CHCHD6: variants seen among roughly 807,000 people sequenced by gnomAD.
The protein encoded by CHCHD6 is MICOS complex subunit MIC25.
A neutral mutation model predicts 32.3 loss-of-function variants in CHCHD6; 28 were observed. That is an observed-to-expected ratio of 0.87 (90% CI 0.64 to 1.19). The LOEUF is 1.19. Among genes scored for constraint, CHCHD6 ranks in the 50% most tolerant of loss-of-function variants. The pLI is 0.00. For missense variants in CHCHD6, 333 were observed against 307.0 expected, an observed-to-expected ratio of 1.08 and a Z score of -0.63; for synonymous variants, 122 against 117.5, an observed-to-expected ratio of 1.04 and a Z score of -0.25.
intron 1 of CHCHD6, among the ~76,000 whole-genome samples, chr3:126,705,240 C>T (rs1320841290): frequency 3.3e-5 from 5 of 152,224 alleles, no homozygotes; most frequent in African/African-American, 1.2e-4. Context: ...ATTTTCATAG[C>T]ACTCATCACA....
chr3:126,945,681 T>TC (rs1334977297), intron 6 of CHCHD6, among the ~76,000 whole-genome samples: 130 of 62,440 alleles, frequency 2.1e-3, no homozygotes, highest in East Asian at 0.015. Context: ...CTTGGGAGAT[T>TC]CGGGGGAAGA....
At chr3:126,751,392 C>T (rs917686990) in intron 4 of CHCHD6, among the ~76,000 whole-genome samples, 7 of 150,794 alleles carry the variant, frequency 4.6e-5, no homozygotes, top group African/African-American at 1.7e-4. Flanking sequence ...GTCCCAGCTA[C>T]TGGGGAAGCT....
chr3:126,862,385 CCTCCTCCTCT>C (rs1941949191), intron 5 of CHCHD6, among the ~76,000 whole-genome samples: 1 of 140,802 alleles, frequency 7.1e-6, no homozygotes, highest in African/African-American at 2.7e-5. Context: ...ATCACCACCT[CCTCCTCCTCT>C]ACCATCACCA....
At chr3:126,884,803 A>C (rs1427677733) in intron 5 of CHCHD6, among the ~76,000 whole-genome samples, 2 of 152,236 alleles carry the variant, frequency 1.3e-5, no homozygotes, top group Non-Finnish European at 2.9e-5. Context: ...ACCAAATTAT[A>C]GTGTCCTACT....
At chr3:126,777,555 C>T (rs1937708937) in intron 4 of CHCHD6, among the ~76,000 whole-genome samples, 1 of 152,190 alleles carries the variant, frequency 6.6e-6, no homozygotes, top group African/African-American at 2.4e-5. Flanking sequence ...ATGAGGCAGA[C>T]TGCAGGAGGC....
intron 5 of CHCHD6, among the ~76,000 whole-genome samples, chr3:126,868,787 G>C (rs1018283690): frequency 1.3e-5 from 2 of 152,126 alleles, no homozygotes; most frequent in African/African-American, 4.8e-5. Flanking sequence ...TTTCCTACTA[G>C]GTAAAAACCA....
intron 1 of CHCHD6, among the ~76,000 whole-genome samples, chr3:126,720,788 C>T (rs1021468845): frequency 6.6e-6 from 1 of 152,160 alleles, no homozygotes; most frequent in Non-Finnish European, 1.5e-5. Context: ...CGCACCCAGC[C>T]TGGTGTCCTG....
intron 4 of CHCHD6, among the ~76,000 whole-genome samples, chr3:126,828,192 C>T (rs914893428): frequency 3.3e-4 from 50 of 152,190 alleles, no homozygotes; most frequent in Admixed American, 3.0e-3. Context: ...CATCTTACCT[C>T]GTGGTTTCAG....
chr3:126,930,136 C>A (rs746262385), intron 6 of CHCHD6, among the ~76,000 whole-genome samples: 1 of 152,190 alleles, frequency 6.6e-6, no homozygotes, highest in African/African-American at 2.4e-5. Flanking sequence ...TAATCAGGAT[C>A]CCTGTTAGAA....
chr3:126,868,298 A>T (rs558751047), intron 5 of CHCHD6, among the ~76,000 whole-genome samples: 4 of 152,348 alleles, frequency 2.6e-5, no homozygotes, highest in Non-Finnish European at 4.4e-5. Flanking sequence ...ACGTAGATGG[A>T]GTTCCTCTCT....
chr3:126,739,641 A>AT (rs1225892491), intron 4 of CHCHD6, among the ~76,000 whole-genome samples: 1 of 151,808 alleles, frequency 6.6e-6, no homozygotes, highest in African/African-American at 2.4e-5. Context: ...TAAAATGAGG[A>AT]TTTTTCTGGA....
chr3:126,750,032 C>T (rs1936664345), intron 4 of CHCHD6, among the ~76,000 whole-genome samples: 1 of 152,226 alleles, frequency 6.6e-6, no homozygotes, highest in East Asian at 1.9e-4. Flanking sequence ...TTGGCCACAC[C>T]TTTCCTGGTG....
chr3:126,863,212 ACCACCATCACCACCTCCCCCTCCT>A (rs1942025186), intron 5 of CHCHD6, among the ~76,000 whole-genome samples: 1 of 72,440 alleles, frequency 1.4e-5, no homozygotes, highest in Non-Finnish European at 3.0e-5. Context: ...CTTCCCCTCT[ACCACCATCACCACCTCCCCCTCCT>A]CCACCATCAC....
At chr3:126,846,119 G>A (rs1303500974) in intron 4 of CHCHD6, among the ~76,000 whole-genome samples, 2 of 152,158 alleles carry the variant, frequency 1.3e-5, no homozygotes, top group African/African-American at 4.8e-5. Flanking sequence ...AGAAGGGGCA[G>A]AAAAAGGTTG....
intron 5 of CHCHD6, among the ~76,000 whole-genome samples, chr3:126,869,208 A>G (rs1449045902): frequency 1.3e-5 from 2 of 151,764 alleles, no homozygotes; most frequent in African/African-American, 4.8e-5. Context: ...TTATTATTTC[A>G]TAGGTTAATA....
At chr3:126,709,719 T>G (rs920507451) in intron 1 of CHCHD6, among the ~76,000 whole-genome samples, 10 of 152,252 alleles carry the variant, frequency 6.6e-5, no homozygotes, top group Admixed American at 3.3e-4. Context: ...CATCGTGGTT[T>G]GAATTTGCAT....
At chr3:126,909,511 G>A (rs1419444639) in intron 5 of CHCHD6, among the ~76,000 whole-genome samples, 2 of 152,212 alleles carry the variant, frequency 1.3e-5, no homozygotes, top group Non-Finnish European at 2.9e-5. Context: ...TATGAAAACT[G>A]CTCGGGAAGT....
At position 126,712,053 on chromosome 3, in the gene CHCHD6, TC is replaced by T. The variant is rs1934772448; in HGVS notation, c.87+7656del. Among the ~76,000 whole-genome samples the T allele has an allele frequency of 2.0e-5, 3 of 152,348 alleles. 1 individual carries two copies. ...CAGTACTTTAGGTCTCTCTACCTTT[TC>T]CACCTCAGCTGCTGAGGAGTGGAGG... On this transcript the variant is annotated intron_variant, in intron 1 of 7. Transcript: ENST00000290913.
At chr3:126,894,283 C>G (rs2077806353) in intron 5 of CHCHD6, among the ~76,000 whole-genome samples, 1 of 152,168 alleles carries the variant, frequency 6.6e-6, no homozygotes, top group African/African-American at 2.4e-5. Context: ...TCTATGTTAG[C>G]CAGGAGCCCA....
Sources: allele counts gnomAD v4.1 joint callset (sites outside exome capture counted in the v4.1 genomes callset), GRCh38; gene constraint gnomAD v4.1.1; transcripts MANE v1.5; gene names NCBI Gene and HGNC (gene_info 2026-07-23, HGNC 2026-07-21).